KDM4C: variants seen among roughly 807,000 people sequenced by gnomAD.
KDM4C encodes the protein lysine-specific demethylase 4C.
A neutral mutation model predicts 129.3 loss-of-function variants in KDM4C; 81 were observed. The observed-to-expected ratio is 0.63, with a 90% CI of 0.52 to 0.75. KDM4C has a LOEUF of 0.75. Ranked by LOEUF, KDM4C falls within the 30% of genes least tolerant of loss-of-function variation. The pLI is 0.00. For synonymous variants in KDM4C, 573 were observed against 456.1 expected, an observed-to-expected ratio of 1.26 and a Z score of -3.26; for missense variants, 1,457 against 1,304.0, an observed-to-expected ratio of 1.12 and a Z score of -1.81.
chr9:7,088,649 T>C (rs73407455), intron 17 of KDM4C, among the ~76,000 whole-genome samples: 2,157 of 152,330 alleles, frequency 0.014, 41 homozygotes, highest in African/African-American at 0.048. Flanking sequence ...TGCTACATAT[T>C]ACAGGAGGTG....
chr9:6,818,097 C>G (rs1394688781), intron 4 of KDM4C, among the ~76,000 whole-genome samples: 6 of 152,066 alleles, frequency 3.9e-5, no homozygotes, highest in Non-Finnish European at 8.8e-5. Context: ...TCCTTTTGGT[C>G]TTTCTGTTTT....
chr9:7,118,939 A>G (rs961460554), intron 18 of KDM4C, among the ~76,000 whole-genome samples: 3 of 152,140 alleles, frequency 2.0e-5, no homozygotes, highest in African/African-American at 7.2e-5. Flanking sequence ...CGGCCAAAGC[A>G]AAGAATCTTC....
chr9:7,128,277 TAAAA>T, intron 19 of KDM4C, 41 bp downstream of exon 19: 1 of 1,168,468 alleles, frequency 8.6e-7, no homozygotes, highest in Non-Finnish European at 1.1e-6. Context: ...CAGAGTAATT[TAAAA>T]AAAAAAACCA....
intron 17 of KDM4C, among the ~76,000 whole-genome samples, chr9:7,097,645 C>T (rs1284783114): frequency 2.6e-5 from 4 of 152,166 alleles, no homozygotes; most frequent in African/African-American, 9.7e-5. Context: ...AGGTAGGTAA[C>T]CAGGTCAGGC....
At chr9:6,847,601 A>G (rs956615243) in intron 4 of KDM4C, among the ~76,000 whole-genome samples, 1 of 152,286 alleles carries the variant, frequency 6.6e-6, no homozygotes, top group Middle Eastern at 3.4e-3. Flanking sequence ...CGTGTTAGCC[A>G]GGATGGTCTC....
At chr9:6,765,979 G>A (rs1457705192) in intron 1 of KDM4C, among the ~76,000 whole-genome samples, 5 of 152,050 alleles carry the variant, frequency 3.3e-5, no homozygotes, top group African/African-American at 1.2e-4. Flanking sequence ...AGTAGAGATG[G>A]GGTTTCACCA....
At chr9:7,051,694 C>T (rs1187145164) in intron 17 of KDM4C, among the ~76,000 whole-genome samples, 2 of 152,114 alleles carry the variant, frequency 1.3e-5, no homozygotes, top group Non-Finnish European at 2.9e-5. Context: ...TTTTCTGGAG[C>T]TGTGGGCATT....
At chr9:7,024,490 C>G (rs111831279) in intron 15 of KDM4C, among the ~76,000 whole-genome samples, 11 of 151,836 alleles carry the variant, frequency 7.2e-5, no homozygotes, top group Admixed American at 2.6e-4. Flanking sequence ...CCCGTCCCCC[C>G]ACCCCACAAC....
At chr9:6,813,331 T>C (rs919784750) in intron 3 of KDM4C, among the ~76,000 whole-genome samples, 1 of 152,220 alleles carries the variant, frequency 6.6e-6, no homozygotes, top group African/African-American at 2.4e-5. Context: ...GCCCATCCCA[T>C]GCCCATCCTT....
chr9:6,784,790 G>T (rs554137092), intron 1 of KDM4C, among the ~76,000 whole-genome samples: 2 of 152,200 alleles, frequency 1.3e-5, no homozygotes, highest in Non-Finnish European at 2.9e-5. Context: ...TTTCTTTGCT[G>T]TGTTGCTTTC....
At chr9:6,775,776 C>A (rs1442964562) in intron 1 of KDM4C, among the ~76,000 whole-genome samples, 1 of 152,166 alleles carries the variant, frequency 6.6e-6, no homozygotes, top group African/African-American at 2.4e-5. Flanking sequence ...CCTGCCTCGG[C>A]CTCCCAAAGT....
intron 15 of KDM4C, among the ~76,000 whole-genome samples, chr9:7,016,283 A>G (rs1397073497): frequency 6.6e-6 from 1 of 151,760 alleles, no homozygotes; most frequent in African/African-American, 2.4e-5. Flanking sequence ...ACCCGCCACC[A>G]CGCCTGGCTA....
intron 19 of KDM4C, among the ~76,000 whole-genome samples, chr9:7,141,025 C>T (rs1449628840): frequency 6.6e-6 from 1 of 152,162 alleles, no homozygotes; most frequent in African/African-American, 2.4e-5. Context: ...AAGGAAAGGG[C>T]CAGACTGGGT....
chr9:7,052,766 G>C (rs1047715736), intron 17 of KDM4C, among the ~76,000 whole-genome samples: 1 of 152,010 alleles, frequency 6.6e-6, no homozygotes, highest in Admixed American at 6.6e-5. Context: ...CATCTCTTCA[G>C]TACCCACGAG....
intron 12 of KDM4C, among the ~76,000 whole-genome samples, chr9:6,995,912 C>CAT (rs1819639563): frequency 6.6e-6 from 1 of 152,180 alleles, no homozygotes; most frequent in Non-Finnish European, 1.5e-5. Context: ...TCGTGATCTG[C>CAT]CCACCTCGGC....
intron 1 of KDM4C, among the ~76,000 whole-genome samples, chr9:6,770,942 A>C (rs1821692821): frequency 6.6e-6 from 1 of 151,442 alleles, no homozygotes; most frequent in East Asian, 1.9e-4. Flanking sequence ...CTCCCAGCTA[A>C]TTTTTGTATT....
At chr9:7,001,584 T>C (rs1464289349) in intron 12 of KDM4C, among the ~76,000 whole-genome samples, 1 of 152,234 alleles carries the variant, frequency 6.6e-6, no homozygotes. Context: ...GTCTTTATCT[T>C]CCTTAGTTGG....
At chr9:6,892,132 A>C (rs1038782183) in intron 7 of KDM4C, among the ~76,000 whole-genome samples, 1 of 152,214 alleles carries the variant, frequency 6.6e-6, no homozygotes, top group Non-Finnish European at 1.5e-5. Context: ...TCAGTGGCCA[A>C]ATCCTATGAG....
chr9:6,758,040 G>C lies in KDM4C; in HGVS notation c.-181G>C, dbSNP rs1298657738. ...CCCCCTCGACGGGAGGGTGAGGCGC[G>C]GCGCAGTGATCGGGCGGCCGGGGTC... is the stretch of plus-strand genomic sequence containing the variant. On this transcript the variant is annotated 5_prime_UTR_variant, in exon 1 of 22. Transcript: ENST00000381309. This position sits in a 1 kb window ranked among gnomAD's most constrained non-coding sequence, Gnocchi z 4.6. 1.7e-5 allele frequency: 17 copies of C among 985,456 alleles called. No homozygotes were observed. Among genetic ancestry groups the C allele is most frequent in the Non-Finnish European group, 2.0e-5 (17 of 829,948 alleles). 61.0% of individuals were successfully genotyped at this position (985,456 alleles called of 1,614,324 possible). A position where few individuals can be genotyped will look rare whatever the true frequency, so the allele number is the denominator to read the frequency against.
Sources: allele counts gnomAD v4.1 joint callset (sites outside exome capture counted in the v4.1 genomes callset), GRCh38; gene constraint gnomAD v4.1.1; non-coding constraint Gnocchi (gnomAD v3.1); transcripts MANE v1.5; gene names NCBI Gene and HGNC (gene_info 2026-07-23, HGNC 2026-07-21).